The following SLC16A10 variants were observed in gnomAD, a reference collection of about 807,000 sequenced individuals.
The protein encoded by SLC16A10 is monocarboxylate transporter 10.
In SLC16A10, 27 loss-of-function variants were observed where a neutral mutation model predicts 40.0. The ratio of observed to expected loss-of-function variants is 0.67; its 90% CI spans 0.50 to 0.93. The LOEUF is 0.93. Ranked by LOEUF, SLC16A10 falls within the 40% of genes least tolerant of loss-of-function variation. The pLI is 0.00. For missense variants in SLC16A10, 529 were observed against 658.2 expected, an observed-to-expected ratio of 0.80 and a Z score of 2.15; for synonymous variants, 213 against 249.8, an observed-to-expected ratio of 0.85 and a Z score of 1.39.
At chr6:111,198,906 A>G (rs1214942257) in intron 3 of SLC16A10, among the ~76,000 whole-genome samples, 1 of 152,230 alleles carries the variant, frequency 6.6e-6, no homozygotes, top group African/African-American at 2.4e-5. Flanking sequence ...ACCTCAAAGG[A>G]GCATGAATCA....
At chr6:111,217,346 CT>C (rs1773442261) in intron 4 of SLC16A10, among the ~76,000 whole-genome samples, 1 of 152,204 alleles carries the variant, frequency 6.6e-6, no homozygotes, top group Non-Finnish European at 1.5e-5. Context: ...TTGGTAAACA[CT>C]AAATAAATGA....
intron 1 of SLC16A10, among the ~76,000 whole-genome samples, chr6:111,164,452 A>G (rs1772434377): frequency 6.6e-6 from 1 of 152,158 alleles, no homozygotes; most frequent in African/African-American, 2.4e-5. Context: ...AAGCAAGGTG[A>G]ACAATTTTCA....
rs1187932656 is a variant in SLC16A10, at chr6:111,225,851, A to T, written c.*3616A>T. The T allele has an allele frequency of 3.3e-5, 5 of 151,878 alleles. No individual in the cohort carries two copies. Among genetic ancestry groups the T allele is most frequent in the Non-Finnish European group, 7.4e-5 (5 of 67,978 alleles). 9.4% of individuals were successfully genotyped at this position (151,878 alleles called of 1,614,324 possible). A position where few individuals can be genotyped will look rare whatever the true frequency, so the allele number is the denominator to read the frequency against. The stretch of plus-strand genomic sequence containing the variant: ...GTCTTACTCTTCTTACATTATTCTT[A>T]TCCTCATCATTTTTTCATTTCCCTT... On this transcript the variant is annotated 3_prime_UTR_variant, in exon 6 of 6. Transcript: ENST00000368851.
intron 1 of SLC16A10, among the ~76,000 whole-genome samples, chr6:111,165,193 G>A (rs374511448): frequency 2.6e-5 from 4 of 152,282 alleles, no homozygotes; most frequent in African/African-American, 7.2e-5. Flanking sequence ...GTTATAGCTG[G>A]AAGACAAAAA....
At chr6:111,209,619 T>C (rs936537466) in intron 4 of SLC16A10, among the ~76,000 whole-genome samples, 3 of 151,960 alleles carry the variant, frequency 2.0e-5, no homozygotes, top group Non-Finnish European at 4.4e-5. Flanking sequence ...AAGAGGCCTG[T>C]GGGTTAGGAA....
At chr6:111,218,373 G>A (rs1421227668) in intron 4 of SLC16A10, among the ~76,000 whole-genome samples, 1 of 152,152 alleles carries the variant, frequency 6.6e-6, no homozygotes, top group Non-Finnish European at 1.5e-5. Context: ...GAGGTCAGGA[G>A]TTCAAGACCA....
chr6:111,200,292 TTAGTC>T (rs1336806714), intron 3 of SLC16A10, among the ~76,000 whole-genome samples: 20 of 152,332 alleles, frequency 1.3e-4, no homozygotes, highest in African/African-American at 4.6e-4. Flanking sequence ...TAGAGATACT[TTAGTC>T]TAAAGGCACA....
Position 111,087,830 on chromosome 6 carries a change from G to T in SLC16A10, c.78G>T (p.Gly26=). The T allele has an allele frequency of 7.4e-7, 1 of 1,354,038 alleles. No individual in the cohort carries two copies. The allele number at this position is 1,354,038 out of a possible 1,614,324, so 83.9% of individuals were successfully genotyped here. Residue 26 remains glycine, a synonymous_variant, in exon 1 of 6, where the codon GGG becomes GGT. Transcript: ENST00000368851. ...EAQPLGPAPT[G]AAPPPGPGPS... ...AGCCGCTCGGCCCCGCGCCCACGGGGGCCGCTCCGCCGCCCGGCCCGGGAC... is the reference window on the plus strand; with the variant it reads ...AGCCGCTCGGCCCCGCGCCCACGGGTGCCGCTCCGCCGCCCGGCCCGGGAC...
At chr6:111,154,498 A>T (rs754964638) in intron 1 of SLC16A10, among the ~76,000 whole-genome samples, 1 of 152,248 alleles carries the variant, frequency 6.6e-6, no homozygotes, top group Non-Finnish European at 1.5e-5. Flanking sequence ...AAAGGGAAGC[A>T]TGATGGATGT....
At chr6:111,210,966 T>C (rs1052064040) in intron 4 of SLC16A10, among the ~76,000 whole-genome samples, 2 of 149,454 alleles carry the variant, frequency 1.3e-5, no homozygotes, top group African/African-American at 5.0e-5. Context: ...GAGGTTGCAG[T>C]GAGCCGAGAT....
chr6:111,198,269 G>A (rs184010513), intron 3 of SLC16A10, among the ~76,000 whole-genome samples: 1 of 152,232 alleles, frequency 6.6e-6, no homozygotes, highest in African/African-American at 2.4e-5. Flanking sequence ...CTGGGCAACC[G>A]AGTGAGGCTC....
intron 1 of SLC16A10, among the ~76,000 whole-genome samples, chr6:111,159,951 T>G (rs1772340857): frequency 6.6e-6 from 1 of 152,220 alleles, no homozygotes; most frequent in Non-Finnish European, 1.5e-5. Context: ...TTCAAATTTT[T>G]TGCCCATTTT....
At chr6:111,151,506 T>C (rs2114515796) in intron 1 of SLC16A10, among the ~76,000 whole-genome samples, 1 of 152,314 alleles carries the variant, frequency 6.6e-6, no homozygotes, top group African/African-American at 2.4e-5. Context: ...TTTCAGACAA[T>C]TGTCATTTGT....
rs370343104 is a variant in SLC16A10, at chr6:111,180,972, T to C, written c.942+3307T>C. The stretch of plus-strand genomic sequence containing the variant: ...GCTCACCCCTGTAATCCCAGCACTT[T>C]GGGAGGCCAAGGCAGGTGTATCACC... On this transcript the variant is annotated intron_variant, in intron 3 of 5. Coordinates refer to ENST00000368851, the MANE Select transcript of SLC16A10 (RefSeq NM_018593.5). Among the ~76,000 whole-genome samples, 68 of 152,304 alleles carry C rather than the reference T, an allele frequency of 4.5e-4. No individual in the cohort carries two copies. In the South Asian group the frequency reaches 0.014, roughly 31 times the overall value.
At chr6:111,217,044 C>T (rs1052328846) in intron 4 of SLC16A10, among the ~76,000 whole-genome samples, 6 of 152,210 alleles carry the variant, frequency 3.9e-5, no homozygotes, top group African/African-American at 1.4e-4. Flanking sequence ...AAAAACAGAA[C>T]AGATGAGGAC....
rs966182728 is a variant in SLC16A10 at position 111,228,100 on chromosome 6, T to G, written c.*5865T>G. ...GAAGAAATTCAGAATCTAGATACAC[T>G]TAGATTCTAAATTAGACACACTCAG... On this transcript the variant is annotated 3_prime_UTR_variant, in exon 6 of 6. Transcript: ENST00000368851. 1.3e-5 allele frequency: 2 copies of G among 152,154 alleles called. No homozygotes were observed. The highest frequency in any genetic ancestry group is 4.8e-5 in the African/African-American group (2 of 41,442). 9.4% of individuals were successfully genotyped at this position (152,154 alleles called of 1,614,324 possible).
chr6:111,206,306 G>C (rs1016255751), intron 3 of SLC16A10, among the ~76,000 whole-genome samples: 26 of 152,124 alleles, frequency 1.7e-4, no homozygotes, highest in African/African-American at 6.0e-4. Context: ...CGAACTCCTG[G>C]CCTCAGGTGA....
intron 1 of SLC16A10, among the ~76,000 whole-genome samples, chr6:111,172,362 T>C (rs1051768225): frequency 2.8e-4 from 42 of 152,362 alleles, no homozygotes; most frequent in African/African-American, 8.9e-4. Flanking sequence ...AATATTTCTT[T>C]CCTGTTGGTT....
chr6:111,159,962 T>A (rs1055168553), intron 1 of SLC16A10, among the ~76,000 whole-genome samples: 1 of 152,210 alleles, frequency 6.6e-6, no homozygotes, highest in African/African-American at 2.4e-5. Context: ...TGCCCATTTT[T>A]AAAATTGAGT....
Sources: allele counts gnomAD v4.1 joint callset (sites outside exome capture counted in the v4.1 genomes callset), GRCh38; gene constraint gnomAD v4.1.1; transcripts MANE v1.5; gene names NCBI Gene and HGNC (gene_info 2026-07-23, HGNC 2026-07-21).